STK10: variants seen among roughly 807,000 people sequenced by gnomAD.
The protein encoded by STK10 is serine/threonine-protein kinase 10.
STK10 carries 78 observed loss-of-function variants against 113.8 expected under a neutral mutation model. That is an observed-to-expected ratio of 0.69 (90% CI 0.57 to 0.83). STK10 has a LOEUF of 0.83. Ranked by LOEUF, STK10 falls within the 40% of genes least tolerant of loss-of-function variation. STK10 has a pLI of 0.00. For synonymous variants in STK10, 465 were observed against 494.7 expected (o/e 0.94, Z 0.80); for missense variants, 1,109 against 1,280.1 (o/e 0.87, Z 2.04).
chr5:172,169,351 G>A (rs1052145429), intron 1 of STK10, among the ~76,000 whole-genome samples: 5 of 152,272 alleles, frequency 3.3e-5, no homozygotes, highest in African/African-American at 9.6e-5. Context: ...TGGGACAGTG[G>A]GAGTGGGAGT....
chr5:172,043,617 T>C lies in STK10; in HGVS notation c.*1265A>G, dbSNP rs550009074. The C allele has an allele frequency of 1.2e-4, 18 of 152,362 alleles. No homozygotes were observed. Among genetic ancestry groups the C allele is most frequent in the East Asian group, 5.8e-4 (3 of 5,194 alleles). The allele number at this position is 152,362 out of a possible 1,614,324, so 9.4% of individuals were successfully genotyped here. ...AGGTTTCCTTGTAAGTAAACCCGCA[T>C]ACTGGTTCAAACATTTGCTTTTATT... On this transcript the variant is annotated 3_prime_UTR_variant, in exon 19 of 19. Transcript: ENST00000176763.
intron 1 of STK10, among the ~76,000 whole-genome samples, chr5:172,164,455 G>A (rs1025901093): frequency 1.3e-5 from 2 of 152,088 alleles, no homozygotes; most frequent in African/African-American, 4.8e-5. Flanking sequence ...TCTCTATTAA[G>A]GGCTTTATTT....
In STK10 at chr5:172,188,218, C is replaced by G; in HGVS notation, c.-176G>C. The G allele has an allele frequency of 1.8e-6, 2 of 1,115,014 alleles. No individual in the cohort carries two copies. The highest frequency in any genetic ancestry group is 2.4e-6 in the Non-Finnish European group (2 of 840,012). The allele number at this position is 1,115,014 out of a possible 1,614,324, so 69.1% of individuals were successfully genotyped here. A position where few individuals can be genotyped will look rare whatever the true frequency, so the allele number is the denominator to read the frequency against. On this transcript the variant is annotated 5_prime_UTR_variant, in exon 1 of 19. Transcript: ENST00000176763. This position sits in a 1 kb window ranked among gnomAD's most constrained non-coding sequence, Gnocchi z 5.6. ...AAGTGTGCCCTGGGCAGCGCCGCGC[C>G]GGGAGCACCCGGAACCGCGCAGGCG...
At position 172,159,889 on chromosome 5, in the gene STK10, G is replaced by T. The variant is rs192051690; in HGVS notation, c.157-3101C>A. On this transcript the variant is annotated intron_variant, in intron 1 of 18. Transcript: ENST00000176763. Reference sequence around the variant, plus strand: ...GCAGTGGCTCATGCCTGTAATCCCAGCACTTTGGGAGGCCAAGGTGGGCGG... The same window carrying T: ...GCAGTGGCTCATGCCTGTAATCCCATCACTTTGGGAGGCCAAGGTGGGCGG... Among the ~76,000 whole-genome samples the T allele has an allele frequency of 2.7e-3, 405 of 152,258 alleles. 2 individuals are homozygous for T. The highest frequency in any genetic ancestry group is 9.3e-3 in the African/African-American group (385 of 41,534).
intron 18 of STK10, among the ~76,000 whole-genome samples, chr5:172,051,510 A>G (rs2113685942): frequency 6.6e-6 from 1 of 152,200 alleles, no homozygotes; most frequent in East Asian, 1.9e-4. Flanking sequence ...CTGTAATCCC[A>G]GCTATTCAGG....
intron 2 of STK10, among the ~76,000 whole-genome samples, chr5:172,156,125 C>A (rs1230968939): frequency 2.6e-5 from 4 of 152,126 alleles, no homozygotes; most frequent in Non-Finnish European, 4.4e-5. Flanking sequence ...GTGCAGCCAT[C>A]GAGAAGGATC....
chr5:172,107,990 TG>T, intron 4 of STK10, 138 bp from the exon 5 acceptor site: 1 of 677,892 alleles, frequency 1.5e-6, no homozygotes, highest in Non-Finnish European at 2.6e-6. Flanking sequence ...GCATTAAAAA[TG>T]TAAGACTATC....
chr5:172,160,675 C>T (rs997521356), intron 1 of STK10, among the ~76,000 whole-genome samples: 8 of 152,130 alleles, frequency 5.3e-5, no homozygotes, highest in Admixed American at 1.3e-4. Context: ...CTGACTGCAC[C>T]GGAAATTCCG....
rs1769803356 is a variant in STK10, at chr5:172,133,818, C to G, written c.322-6397G>C. On this transcript the variant is annotated intron_variant, in intron 2 of 18. Transcript: ENST00000176763. This position sits in a 1 kb window ranked among gnomAD's most constrained non-coding sequence, Gnocchi z 4.9. ...TTTAAGGTTTGCTGTCACTTGTTAC[C>G]AAAAGTACCTGATCCCACGCTTGGC... is the stretch of plus-strand genomic sequence containing the variant. Among the ~76,000 whole-genome samples the G allele has an allele frequency of 6.6e-6, 1 of 152,144 alleles. No homozygotes were observed. The highest frequency in any genetic ancestry group is 2.1e-4 in the South Asian group (1 of 4,826).
intron 1 of STK10, among the ~76,000 whole-genome samples, chr5:172,177,294 T>C (rs1013698450): frequency 2.0e-5 from 3 of 152,230 alleles, no homozygotes; most frequent in Non-Finnish European, 4.4e-5. Flanking sequence ...ACCAACTCTG[T>C]GGGAGCCTTG....
chr5:172,048,352 C>A (rs139106093), intron 18 of STK10, among the ~76,000 whole-genome samples: 1 of 151,120 alleles, frequency 6.6e-6, no homozygotes, highest in Non-Finnish European at 1.5e-5. Flanking sequence ...GACTTACCAG[C>A]CCCCACAATC....
chr5:172,064,745 T>G lies in STK10; in HGVS notation c.2057A>C (p.Glu686Ala), dbSNP rs777416488. ...RKESMKQKME[E>A]HTQKKQLLDR... Reference sequence around the variant, plus strand: ...AAGAAGCTGCTTTTTCTGCGTGTGCTCCTCCATCTTCTGCTTCATGCTTTC... The same window carrying G: ...AAGAAGCTGCTTTTTCTGCGTGTGCGCCTCCATCTTCTGCTTCATGCTTTC... The change falls in exon 13 of 19, where the codon GAG becomes GCG. Residue 686 changes from glutamate to alanine, a missense_variant. Transcript: ENST00000176763. 5.0e-6 allele frequency: 8 copies of G among 1,614,106 alleles called. No individual in the cohort carries two copies. In the East Asian group the frequency reaches 1.8e-4, roughly 36 times the overall value.
intron 18 of STK10, among the ~76,000 whole-genome samples, chr5:172,049,065 G>A (rs959790600): frequency 2.6e-5 from 4 of 152,060 alleles, no homozygotes; most frequent in African/African-American, 7.2e-5. Flanking sequence ...CACACCGTCT[G>A]AAGCAGCCTC....
chr5:172,122,980 G>A (rs1180794458), intron 3 of STK10, among the ~76,000 whole-genome samples: 2 of 152,126 alleles, frequency 1.3e-5, no homozygotes. Flanking sequence ...ATTCCAATCA[G>A]AACAGGCCCT....
rs1769150505 is a variant in STK10, at chr5:172,107,866, T to C, written c.521-14A>G. The C allele has an allele frequency of 1.9e-6, 3 of 1,613,780 alleles. No homozygotes were observed. Among genetic ancestry groups the C allele is most frequent in the African/African-American group, 1.3e-5 (1 of 74,908 alleles). On this transcript the variant is annotated splice_polypyrimidine_tract_variant and intron_variant, in intron 4 of 18. Coordinates refer to ENST00000176763, the MANE Select transcript of STK10 (RefSeq NM_005990.4). ...CACCAAAGTCAGCTGCAAGACAAAA[T>C]CTCAGCTAGCGTTTTCCACCCATAG...
In STK10 at chr5:172,093,710, T is replaced by A. The variant is rs1302150912; in HGVS notation, c.1256A>T (p.Asp419Val). Residue 419 changes from aspartate (D) to valine (V), a missense_variant, in exon 9 of 19, where the codon GAT becomes GTT. Physicochemically the swap from Asp to Val is radical, Grantham distance 152. Coordinates refer to ENST00000176763, the MANE Select transcript of STK10 (RefSeq NM_005990.4). This position sits in a 1 kb window ranked among gnomAD's most constrained non-coding sequence, Gnocchi z 4.1. ...CTCCTGGGCTACCTGAATTCTGGCA[T>A]CCATTGACACGGGTCGGGACTTCCG... is the stretch of plus-strand genomic sequence containing the variant. Reference protein sequence around the residue: ...PLRKSRPVSMDARIQVAQEKQ... With the variant: ...PLRKSRPVSMVARIQVAQEKQ... The A allele has an allele frequency of 6.2e-7, 1 of 1,614,206 alleles. No individual in the cohort carries two copies. The highest frequency in any genetic ancestry group is 8.5e-7 in the Non-Finnish European group (1 of 1,180,014).
Position 172,094,057 on chromosome 5 carries a change from G to A in STK10, c.1006-97C>T, listed in dbSNP as rs563690785. On this transcript the variant is annotated intron_variant, in intron 8 of 18. Coordinates refer to ENST00000176763, the MANE Select transcript of STK10 (RefSeq NM_005990.4). ...GGAGAAAGTCAGACACCCTCAAGAT[G>A]AAGTGGGCCAGCGCCAAGAAAGGAG... is the stretch of plus-strand genomic sequence containing the variant. 20 of 991,884 alleles carry A rather than the reference G, an allele frequency of 2.0e-5. No individual in the cohort carries two copies. The African/African-American group carries it at 3.2e-4, about 16-fold the overall frequency. The allele number at this position is 991,884 out of a possible 1,614,324, so 61.4% of individuals were successfully genotyped here.
chr5:172,159,309 C>A (rs1172425561), intron 1 of STK10, among the ~76,000 whole-genome samples: 1 of 152,076 alleles, frequency 6.6e-6, no homozygotes, highest in Admixed American at 6.6e-5. Flanking sequence ...GAATCCGAGG[C>A]GGGTGGCTTG....
intron 1 of STK10, among the ~76,000 whole-genome samples, chr5:172,165,338 G>C (rs1373084987): frequency 6.6e-6 from 1 of 152,220 alleles, no homozygotes; most frequent in Non-Finnish European, 1.5e-5. Context: ...CGAATGCAGA[G>C]ACCAGGGTCC....
Sources: gnomAD v4.1 joint callset for allele counts (sites outside exome capture counted in the v4.1 genomes callset) on GRCh38, gnomAD v4.1.1 for gene constraint, Gnocchi (gnomAD v3.1) non-coding constraint, MANE v1.5 for transcripts, NCBI Gene and HGNC (gene_info 2026-07-23, HGNC 2026-07-21) for gene names.